The following KSR2 variants were observed in gnomAD, a reference collection of about 807,000 sequenced individuals.
KSR2 encodes kinase suppressor of ras 2.
A neutral mutation model predicts 107.8 loss-of-function variants in KSR2; 25 were observed. The ratio of observed to expected loss-of-function variants is 0.23; its 90% CI spans 0.17 to 0.32. The LOEUF (loss-of-function observed/expected upper bound fraction) is 0.32. Ranked by LOEUF, KSR2 falls within the 10% of genes least tolerant of loss-of-function variation. KSR2 has a pLI of 1.00. For synonymous variants in KSR2, 480 were observed against 507.0 expected, an observed-to-expected ratio of 0.95 and a Z score of 0.71; for missense variants, 887 against 1,268.9, an observed-to-expected ratio of 0.70 and a Z score of 4.57.
At chr12:117,729,417 C>G (rs987473781) in intron 4 of KSR2, among the ~76,000 whole-genome samples, 2 of 152,126 alleles carry the variant, frequency 1.3e-5, no homozygotes, top group African/African-American at 4.8e-5. Flanking sequence ...AAGGACAACT[C>G]TAAGAGATCT....
intron 13 of KSR2, 22 bp from the exon 14 acceptor site, chr12:117,525,241 G>A (rs1010921595): frequency 4.5e-6 from 7 of 1,557,464 alleles, no homozygotes; most frequent in African/African-American, 1.3e-5. Context: ...GTGGGAGAGA[G>A]GTCAGAATTG....
intron 5 of KSR2, among the ~76,000 whole-genome samples, chr12:117,608,271 C>T (rs1189241346): frequency 3.3e-5 from 5 of 152,210 alleles, no homozygotes; most frequent in Non-Finnish European, 5.9e-5. Flanking sequence ...ATGGCTGTGT[C>T]TTACGCAGTG....
chr12:117,469,560 A>C (rs542392340), intron 19 of KSR2, 102 bp downstream of exon 19: 1 of 1,370,664 alleles, frequency 7.3e-7, no homozygotes, highest in Admixed American at 2.1e-5. Flanking sequence ...CATGGATAGG[A>C]GCTTGTTGGG....
intron 4 of KSR2, among the ~76,000 whole-genome samples, chr12:117,688,250 G>A (rs1885662607): frequency 6.6e-6 from 1 of 152,100 alleles, no homozygotes; most frequent in African/African-American, 2.4e-5. Context: ...AATGGTGGTG[G>A]GTGCCTGCAA....
At chr12:117,596,694 A>G (rs774100969) in intron 5 of KSR2, among the ~76,000 whole-genome samples, 1 of 152,218 alleles carries the variant, frequency 6.6e-6, no homozygotes, top group Non-Finnish European at 1.5e-5. Context: ...TAATGTGGCA[A>G]TTTAAAAATA....
At chr12:117,711,030 TA>T (rs1188669927) in intron 4 of KSR2, among the ~76,000 whole-genome samples, 1 of 152,212 alleles carries the variant, frequency 6.6e-6, no homozygotes, top group Non-Finnish European at 1.5e-5. Flanking sequence ...ACCATTAGTC[TA>T]AGTCAGATCC....
chr12:117,925,055 A>G (rs1483514564), intron 1 of KSR2, among the ~76,000 whole-genome samples: 4 of 152,092 alleles, frequency 2.6e-5, no homozygotes, highest in African/African-American at 7.2e-5. Flanking sequence ...ATGAAACAAG[A>G]TTGGCAAGAC....
chr12:117,740,706 T>G (rs1481769217), intron 4 of KSR2, among the ~76,000 whole-genome samples: 1 of 146,508 alleles, frequency 6.8e-6, no homozygotes, highest in Non-Finnish European at 1.5e-5. Flanking sequence ...CCACAATTTA[T>G]CCACTCATCG....
Position 117,455,771 on chromosome 12 carries a change from C to T in KSR2, c.*11428G>A, listed in dbSNP as rs1870588437. ...AATACAAGCAAAATTTTCTTAGAAT[C>T]CTTCGGCTGCTCAACTGTAGGCATT... On this transcript the variant is annotated 3_prime_UTR_variant, in exon 20 of 20. Coordinates refer to ENST00000339824, the MANE Select transcript of KSR2 (RefSeq NM_173598.6). The T allele has an allele frequency of 6.6e-6, 1 of 152,210 alleles. No homozygotes were observed. The highest frequency in any genetic ancestry group is 2.4e-5 in the African/African-American group (1 of 41,442). The allele number at this position is 152,210 out of a possible 1,614,324, so 9.4% of individuals were successfully genotyped here.
chr12:117,905,139 A>G (rs765273053), intron 1 of KSR2, among the ~76,000 whole-genome samples: 2 of 152,124 alleles, frequency 1.3e-5, no homozygotes, highest in Non-Finnish European at 2.9e-5. Context: ...CCAAGATCAC[A>G]CCACTGCACT....
intron 9 of KSR2, among the ~76,000 whole-genome samples, chr12:117,548,512 C>A (rs557072420): frequency 1.3e-5 from 2 of 152,088 alleles, no homozygotes; most frequent in Admixed American, 6.5e-5. Context: ...ATAGAACATA[C>A]AAAATACATG....
At chr12:117,545,646 A>G (rs1308369484) in intron 9 of KSR2, among the ~76,000 whole-genome samples, 5 of 152,170 alleles carry the variant, frequency 3.3e-5, no homozygotes, top group Non-Finnish European at 7.4e-5. Context: ...CATTCCTGAC[A>G]ATTGTAATCA....
chr12:117,572,207 C>T (rs1007824030), intron 7 of KSR2, among the ~76,000 whole-genome samples: 1 of 152,220 alleles, frequency 6.6e-6, no homozygotes, highest in Admixed American at 6.5e-5. Context: ...GCTAACTCCT[C>T]TTCCTTCAAG....
chr12:117,932,719 C>G (rs1369151464), intron 1 of KSR2, among the ~76,000 whole-genome samples: 1 of 151,940 alleles, frequency 6.6e-6, no homozygotes, highest in Non-Finnish European at 1.5e-5. Flanking sequence ...GAGATCCTGT[C>G]TCAAATAAAT....
At chr12:117,610,226 A>C (rs1417914467) in intron 5 of KSR2, among the ~76,000 whole-genome samples, 1 of 152,186 alleles carries the variant, frequency 6.6e-6, no homozygotes, top group African/African-American at 2.4e-5. Context: ...TAGCCTTGGA[A>C]ATAAGCACAC....
chr12:117,523,264 C>A (rs909230827), intron 14 of KSR2, among the ~76,000 whole-genome samples: 1 of 152,200 alleles, frequency 6.6e-6, no homozygotes, highest in Non-Finnish European at 1.5e-5. Flanking sequence ...CTTCTCTGAG[C>A]CCACAGCATC....
At chr12:117,633,927 T>C (rs1483952167) in intron 5 of KSR2, among the ~76,000 whole-genome samples, 1 of 152,180 alleles carries the variant, frequency 6.6e-6, no homozygotes, top group East Asian at 1.9e-4. Flanking sequence ...AGTATGTTTT[T>C]CTAACTGATG....
In KSR2 at chr12:117,968,236, G is replaced by T. The variant is rs778158211; in HGVS notation, c.20C>A (p.Thr7Lys). The change falls in exon 1 of 20, where the codon ACG becomes AAG. Residue 7 changes from threonine to lysine, a missense_variant. Coordinates refer to ENST00000339824, the MANE Select transcript of KSR2 (RefSeq NM_173598.6). The part of the protein sequence containing the change: MDEENM[T>K]KSEEQQPLSL... ...CAGAGGCTGCTGCTCCTCGCTTTTC[G>T]TCATGTTTTCCTCATCCATCGCTTG... The T allele has an allele frequency of 7.1e-7, 1 of 1,409,538 alleles. No individual in the cohort carries two copies. Among genetic ancestry groups the T allele is most frequent in the Admixed American group, 2.0e-5 (1 of 50,216 alleles). 87.3% of individuals were successfully genotyped at this position (1,409,538 alleles called of 1,614,324 possible).
intron 3 of KSR2, among the ~76,000 whole-genome samples, chr12:117,765,747 T>C (rs1274061174): frequency 1.3e-5 from 2 of 152,098 alleles, no homozygotes; most frequent in African/African-American, 4.8e-5. Context: ...AAAACAAGTG[T>C]TGGGGGCTAT....
Sources: allele counts gnomAD v4.1 joint callset (sites outside exome capture counted in the v4.1 genomes callset), GRCh38; gene constraint gnomAD v4.1.1; transcripts MANE v1.5; gene names NCBI Gene and HGNC (gene_info 2026-07-23, HGNC 2026-07-21).